Variants in ALOXE3 observed in about 807,000 individuals in gnomAD.
ALOXE3 encodes arachidonate epidermal lipoxygenase 3, also known as hydroperoxide isomerase ALOXE3.
A neutral mutation model predicts 87.5 loss-of-function variants in ALOXE3; 78 were observed. The ratio of observed to expected loss-of-function variants is 0.89; its 90% CI spans 0.74 to 1.08. The LOEUF (loss-of-function observed/expected upper bound fraction) is 1.08, where lower values mean the gene tolerates loss of function less well. Among genes scored for constraint, ALOXE3 ranks in the 50% least tolerant of loss-of-function variants. The probability of loss-of-function intolerance (pLI) is 0.00; values close to 1 mark genes in which losing one functional copy is unlikely to be tolerated. For synonymous variants in ALOXE3, 363 were observed against 370.8 expected, an observed-to-expected ratio of 0.98 and a Z score of 0.24; for missense variants, 946 against 912.4, an observed-to-expected ratio of 1.04 and a Z score of -0.47.
intron 6 of ALOXE3, among the ~76,000 whole-genome samples, chr17:8,113,860 C>T (rs1328478159): frequency 6.6e-6 from 1 of 151,772 alleles, no homozygotes; most frequent in Non-Finnish European, 1.5e-5. Flanking sequence ...AACCCCATCT[C>T]TACTAAAAAT....
At chr17:8,108,056 AAAGAAAGAAAGG>A (rs1979658751) in intron 13 of ALOXE3, among the ~76,000 whole-genome samples, 1 of 148,816 alleles carries the variant, frequency 6.7e-6, no homozygotes, top group South Asian at 2.2e-4. Flanking sequence ...AGAAAGAAAG[AAAGAAAGAAAGG>A]AAGAGAGGTT....
chr17:8,118,753 C>T (rs369365199), upstream of ALOXE3: 354 of 1,537,216 alleles, frequency 2.3e-4, no homozygotes, highest in Middle Eastern at 1.2e-3. Flanking sequence ...CGCCGGCAAA[C>T]AGGGTCTGAA....
At chr17:8,106,397 AAAAGT>A (rs1366240568) in intron 13 of ALOXE3, among the ~76,000 whole-genome samples, 3 of 152,250 alleles carry the variant, frequency 2.0e-5, no homozygotes, top group Non-Finnish European at 4.4e-5. Flanking sequence ...CTGAGAACAA[AAAAGT>A]AAAGCAGGCA....
intron 13 of ALOXE3, among the ~76,000 whole-genome samples, chr17:8,105,131 C>T (rs956956729): frequency 2.6e-5 from 4 of 152,194 alleles, no homozygotes; most frequent in African/African-American, 9.7e-5. Flanking sequence ...GGAGGGCTTC[C>T]CATCTCACTC....
chr17:8,118,393 G>A (rs1482954760), intron 1 of ALOXE3, 90 bp from the exon 2 acceptor site: 1 of 1,551,184 alleles, frequency 6.4e-7, no homozygotes, highest in Non-Finnish European at 8.7e-7. Flanking sequence ...TCAGCGGCCC[G>A]GACTGATGCC....
At position 8,114,622 on chromosome 17, in the gene ALOXE3, G is replaced by A. The variant is rs957127063; in HGVS notation, c.555-13C>T. ...CCGATTCCCACTGCTGGGGGTCGGG[G>A]GAGTAGAAAGACAGAAACCAGTCAG... is the stretch of plus-strand genomic sequence containing the variant. On this transcript the variant is annotated splice_polypyrimidine_tract_variant and intron_variant, in intron 5 of 15. Coordinates refer to ENST00000448843, the MANE Select transcript of ALOXE3 (RefSeq NM_021628.3). The A allele has an allele frequency of 1.2e-6, 2 of 1,613,766 alleles. No homozygotes were observed. The highest frequency in any genetic ancestry group is 1.3e-5 in the African/African-American group (1 of 74,832).
chr17:8,109,959 A>G lies in ALOXE3; in HGVS notation c.1349T>C (p.Ile450Thr). Residue 450 changes from isoleucine to threonine, a missense_variant, in exon 11 of 16, where the codon ATC (isoleucine) becomes ACC (threonine). Ile to Thr is a moderately conservative substitution (Grantham distance 89). Transcript: ENST00000448843. ...GGGGTTGAGCAGCGTGGCCCTCGCGATGGTGTTCACCTGCAGCGTGTATCG... is the reference window on the plus strand; with the variant it reads ...GGGGTTGAGCAGCGTGGCCCTCGCGGTGGTGTTCACCTGCAGCGTGTATCG... Reference protein sequence around the residue: ...HTRYTLQVNTIARATLLNPEG... With the variant: ...HTRYTLQVNTTARATLLNPEG... 1 of 1,551,548 alleles carries G rather than the reference A, an allele frequency of 6.4e-7. No individual in the cohort carries two copies.
chr17:8,109,438 C>G, intron 11 of ALOXE3, 95 bp from the exon 12 acceptor site: 1 of 1,519,480 alleles, frequency 6.6e-7, no homozygotes, highest in South Asian at 1.2e-5. Context: ...CCAAGGAGGG[C>G]CTTCTTCGGT....
In ALOXE3 at chr17:8,109,976, C is replaced by T; in HGVS notation, c.1332G>A (p.Thr444=). 1.9e-6 allele frequency: 3 copies of T among 1,552,284 alleles called. No individual in the cohort carries two copies. The highest frequency in any genetic ancestry group is 2.4e-5 in the South Asian group (2 of 84,202). The change falls in exon 11 of 16, where the codon ACG becomes ACA. Residue 444 remains threonine, a synonymous_variant. Coordinates refer to ENST00000448843, the MANE Select transcript of ALOXE3 (RefSeq NM_021628.3). ...YKLLLPHTRY[T]LQVNTIARAT... ...CCCTCGCGATGGTGTTCACCTGCAG[C>T]GTGTATCGAGTGTGGGGGAGTAGGA...
At chr17:8,104,066 G>A in intron 14 of ALOXE3, 49 bp downstream of exon 14, 1 of 1,532,900 alleles carries the variant, frequency 6.5e-7, no homozygotes, top group East Asian at 2.3e-5. Flanking sequence ...CAGGCCTCAA[G>A]TCCATTGCTG....
At position 8,105,737 on chromosome 17, in the gene ALOXE3, T is replaced by TA. The variant is rs576845424; in HGVS notation, c.1685-1523dup. On this transcript the variant is annotated intron_variant, in intron 13 of 15. Coordinates refer to ENST00000448843, the MANE Select transcript of ALOXE3 (RefSeq NM_021628.3). ...GGGCAACATAGCAAGACCTTGTCTC[T>TA]AAAAAACATTTTTTAAAAAGGTAAC... Among the ~76,000 whole-genome samples, 168 of 151,754 alleles carry TA rather than the reference T, an allele frequency of 1.1e-3. 1 individual carries two copies. The highest frequency in any genetic ancestry group is 3.1e-3 in the South Asian group (15 of 4,792).
In ALOXE3 at chr17:8,096,798, C is replaced by A. The variant is rs767613511; in HGVS notation, c.1965G>T (p.Leu655=). 6.2e-7 allele frequency: 1 copy of A among 1,614,128 alleles called. No individual in the cohort carries two copies. Among genetic ancestry groups the A allele is most frequent in the Admixed American group, 1.7e-5 (1 of 60,006 alleles). The part of the protein sequence containing the change: ...VSQEPKDQRP[L]GTYPDEHFTE... ...TGAAGTGCTCATCTGGGTAGGTGCC[C>A]AGGGGCCTCTGGGAGGACATCAGGT... The change falls in exon 16 of 16, where the codon CTG becomes CTT. Residue 655 remains leucine (L), a synonymous_variant. Coordinates refer to ENST00000448843, the MANE Select transcript of ALOXE3 (RefSeq NM_021628.3).
Position 8,102,195 on chromosome 17 carries a change from T to C in ALOXE3, c.1956+1128A>G, listed in dbSNP as rs994004198. 1.1e-4 allele frequency among the ~76,000 whole-genome samples: 17 copies of C among 152,304 alleles called. 1 individual carries two copies. The East Asian group carries it at 3.3e-3, about 29-fold the overall frequency. On this transcript the variant is annotated intron_variant, in intron 15 of 15. Coordinates refer to ENST00000448843, the MANE Select transcript of ALOXE3 (RefSeq NM_021628.3). ...CAGATTTAACCATTGGGCCTCAGGC[T>C]TAAAAGTCTTGATTGGCGGCCGTGC...
intron 5 of ALOXE3, 41 bp downstream of exon 5, chr17:8,114,897 C>G (rs1980447904): frequency 5.6e-6 from 9 of 1,613,524 alleles, no homozygotes; most frequent in Middle Eastern, 1.6e-4. Flanking sequence ...AGACCTTCCA[C>G]TTGACTTCCT....
intron 14 of ALOXE3, 147 bp downstream of exon 14, chr17:8,103,968 C>T: frequency 1.4e-6 from 1 of 706,598 alleles, no homozygotes; most frequent in East Asian, 2.8e-5. Flanking sequence ...CAATGCCAAC[C>T]CTTCACCCCA....
At chr17:8,101,416 G>T (rs1978916624) in intron 15 of ALOXE3, among the ~76,000 whole-genome samples, 1 of 152,072 alleles carries the variant, frequency 6.6e-6, no homozygotes, top group South Asian at 2.1e-4. Flanking sequence ...AGACATGATG[G>T]CTCCTCAGTG....
rs2151848468 is a variant in ALOXE3, at chr17:8,117,925, G to C, written c.66C>G (p.Ile22Met). Residue 22 changes from isoleucine to methionine, a missense_variant, in exon 2 of 16, where the codon ATC becomes ATG. Ile to Met is a conservative substitution (Grantham distance 10). Transcript: ENST00000448843. ...CACACGTGCCCACCAGTGTGACAGAGATGTTGTCCAGTGTGCCGGCCCTCA... is the reference window on the plus strand; with the variant it reads ...CACACGTGCCCACCAGTGTGACAGACATGTTGTCCAGTGTGCCGGCCCTCA... ...PYLRAGTLDN[I>M]SVTLVGTCGE... The C allele has an allele frequency of 6.2e-7, 1 of 1,612,420 alleles. No homozygotes were observed. The highest frequency in any genetic ancestry group is 8.5e-7 in the Non-Finnish European group (1 of 1,179,660).
In ALOXE3 at chr17:8,110,461, C is replaced by A; in HGVS notation, c.1025G>T (p.Arg342Leu). The A allele has an allele frequency of 6.2e-7, 1 of 1,613,486 alleles. No individual in the cohort carries two copies. Among genetic ancestry groups the A allele is most frequent in the Non-Finnish European group, 8.5e-7 (1 of 1,179,686 alleles). ...AEAPTHCLNG[R>L]QQYVAAPLCL... ...CAGTGGGGCGGCCACGTACTGCTGG[C>A]GGCCGTTTAGGCAGTGGGTGGGGGC... The change falls in exon 9 of 16, where the codon CGC (arginine) becomes CTC (leucine). Residue 342 changes from arginine (R) to leucine (L), a missense_variant. Transcript: ENST00000448843.
chr17:8,118,769 C>T (rs575880961), upstream of ALOXE3: 47 of 1,537,218 alleles, frequency 3.1e-5, no homozygotes, highest in Non-Finnish European at 3.7e-5. Context: ...CTGAATGCCC[C>T]GCGTGGCATT....
Sources: allele counts gnomAD v4.1 joint callset (sites outside exome capture counted in the v4.1 genomes callset), GRCh38; gene constraint gnomAD v4.1.1; transcripts MANE v1.5; gene names NCBI Gene and HGNC (gene_info 2026-07-23, HGNC 2026-07-21).